Variants in BANK1 observed in about 807,000 individuals in gnomAD.
The protein encoded by BANK1 is B-cell scaffold protein with ankyrin repeats.
In BANK1, 95 loss-of-function variants were observed where a neutral mutation model predicts 94.5. The observed-to-expected ratio is 1.00, with a 90% CI of 0.85 to 1.19. The LOEUF (loss-of-function observed/expected upper bound fraction) is 1.19, where lower values mean the gene tolerates loss of function less well. BANK1 is among the 50% of genes most tolerant of loss of function. The pLI is 0.00. For synonymous variants in BANK1, 334 were observed against 308.4 expected (o/e 1.08, Z -0.87); for missense variants, 987 against 932.2 (o/e 1.06, Z -0.77).
intron 7 of BANK1, among the ~76,000 whole-genome samples, chr4:102,008,889 A>G (rs896203381): frequency 2.6e-5 from 4 of 152,220 alleles, no homozygotes; most frequent in Admixed American, 6.5e-5. Context: ...GTTTCTCAAA[A>G]AACACATAGC....
rs774098481 is a variant in BANK1, at chr4:101,819,259, G to A, written c.71-10549G>A. ...GAGTATTATTTTTTCCCTAGTACACGTGCCTTTAGGTCACTCTGACAAAGG... is the reference window on the plus strand; with the variant it reads ...GAGTATTATTTTTTCCCTAGTACACATGCCTTTAGGTCACTCTGACAAAGG... On this transcript the variant is annotated intron_variant, in intron 1 of 16. Coordinates refer to ENST00000322953, the MANE Select transcript of BANK1 (RefSeq NM_017935.5). Among the ~76,000 whole-genome samples, 7 of 152,114 alleles carry A rather than the reference G, an allele frequency of 4.6e-5. No homozygotes were observed. In the East Asian group the frequency reaches 7.7e-4, roughly 17 times the overall value.
chr4:102,011,039 T>C (rs1001452227), intron 7 of BANK1, among the ~76,000 whole-genome samples: 4 of 152,236 alleles, frequency 2.6e-5, no homozygotes, highest in African/African-American at 7.2e-5. Context: ...AATCCTCTCT[T>C]AGGAATTTTG....
At chr4:101,931,832 A>AG (rs1723357694) in intron 7 of BANK1, among the ~76,000 whole-genome samples, 1 of 151,406 alleles carries the variant, frequency 6.6e-6, no homozygotes, top group Admixed American at 6.6e-5. Context: ...AGAGGGCTGG[A>AG]GGGCTGGAGA....
chr4:101,943,073 A>C (rs1723807650), intron 7 of BANK1, among the ~76,000 whole-genome samples: 1 of 151,968 alleles, frequency 6.6e-6, no homozygotes, highest in Non-Finnish European at 1.5e-5. Context: ...TTCCAGGCAC[A>C]AAGAGTAAGA....
chr4:101,875,440 C>T (rs1244703616), intron 5 of BANK1, among the ~76,000 whole-genome samples: 1 of 151,974 alleles, frequency 6.6e-6, no homozygotes, highest in Non-Finnish European at 1.5e-5. Flanking sequence ...AGGAAACTTA[C>T]AATCATGGTG....
intron 7 of BANK1, among the ~76,000 whole-genome samples, chr4:101,960,738 T>C (rs1724537690): frequency 6.6e-6 from 1 of 152,188 alleles, no homozygotes; most frequent in Admixed American, 6.5e-5. Flanking sequence ...GTAAGCAATT[T>C]TAAAAGCATA....
chr4:102,034,947 T>C (rs970077616), intron 10 of BANK1, among the ~76,000 whole-genome samples: 5 of 152,166 alleles, frequency 3.3e-5, no homozygotes, highest in African/African-American at 1.2e-4. Context: ...ATAAGATCCA[T>C]GAAGGAAGAG....
chr4:101,969,713 G>A, intron 7 of BANK1, among the ~76,000 whole-genome samples: 1 of 152,064 alleles, frequency 6.6e-6, no homozygotes, highest in Non-Finnish European at 1.5e-5. Flanking sequence ...AGAATTATAG[G>A]ATGAATGAAA....
chr4:101,882,879 G>A (rs13137047), intron 5 of BANK1, among the ~76,000 whole-genome samples: 11,436 of 150,900 alleles, frequency 0.076, 636 homozygotes, highest in Admixed American at 0.19. Context: ...TTTCTTCTTA[G>A]CTGTCCGTCC....
intron 6 of BANK1, among the ~76,000 whole-genome samples, chr4:101,903,240 C>A (rs757609422): frequency 2.0e-5 from 3 of 152,148 alleles, no homozygotes; most frequent in African/African-American, 7.2e-5. Flanking sequence ...ACCTGAAACA[C>A]CTTCATTTTA....
intron 15 of BANK1, among the ~76,000 whole-genome samples, chr4:102,073,027 C>A (rs981291463): frequency 1.3e-4 from 20 of 152,196 alleles, no homozygotes; most frequent in African/African-American, 4.8e-4. Context: ...AGCTGGATTT[C>A]TTGCTAAAAT....
At chr4:101,833,657 C>T (rs1477588119) in intron 2 of BANK1, among the ~76,000 whole-genome samples, 3 of 152,136 alleles carry the variant, frequency 2.0e-5, no homozygotes, top group Non-Finnish European at 4.4e-5. Flanking sequence ...TCCTGTACAC[C>T]CTCATGCTGT....
Position 101,797,700 on chromosome 4 carries a change from G to GT in BANK1, c.70+6751dup, listed in dbSNP as rs554467614. ...GTGTCATTTACTCCATTGGAAAGGA[G>GT]TGAAGGAACAAGAGGACACCGGGAG... On this transcript the variant is annotated intron_variant, in intron 1 of 16. Transcript: ENST00000322953. Among the ~76,000 whole-genome samples, 10 of 152,298 alleles carry GT rather than the reference G, an allele frequency of 6.6e-5. No homozygotes were observed. In the South Asian group the frequency reaches 2.1e-3, roughly 32 times the overall value.
chr4:101,918,000 T>A lies in BANK1; in HGVS notation c.1017T>A (p.His339Gln), dbSNP rs773587818. 1 of 1,603,860 alleles carries A rather than the reference T, an allele frequency of 6.2e-7. No individual in the cohort carries two copies. The highest frequency in any genetic ancestry group is 1.1e-5 in the South Asian group (1 of 90,158). ...TEICSQNKYTHFKELPTLLHC... is the reference protein window; with the variant it reads ...TEICSQNKYTQFKELPTLLHC... Reference sequence around the variant, plus strand: ...TACTTCTTATGCTTACAGATACTCATTTCAAAGAACTTCCAACTCTTCTCC... The same window carrying A: ...TACTTCTTATGCTTACAGATACTCAATTCAAAGAACTTCCAACTCTTCTCC... Residue 339 changes from histidine (H) to glutamine (Q), a missense_variant, in exon 7 of 17, where the codon CAT becomes CAA. Physicochemically the swap from His to Gln is conservative, Grantham distance 24. Coordinates refer to ENST00000322953, the MANE Select transcript of BANK1 (RefSeq NM_017935.5).
At chr4:101,998,077 C>T (rs1021803184) in intron 7 of BANK1, among the ~76,000 whole-genome samples, 2 of 152,160 alleles carry the variant, frequency 1.3e-5, no homozygotes, top group African/African-American at 4.8e-5. Flanking sequence ...CCCCTGTAAA[C>T]ACTGCTTTAC....
At chr4:101,948,378 G>A (rs1342369504) in intron 7 of BANK1, among the ~76,000 whole-genome samples, 2 of 152,044 alleles carry the variant, frequency 1.3e-5, no homozygotes, top group African/African-American at 2.4e-5. Flanking sequence ...TTCTCAGGAG[G>A]TTAAATAATC....
At chr4:101,939,001 G>A (rs1421596736) in intron 7 of BANK1, among the ~76,000 whole-genome samples, 2 of 151,644 alleles carry the variant, frequency 1.3e-5, no homozygotes, top group African/African-American at 4.8e-5. Flanking sequence ...CCCTCTACCT[G>A]AGACGCAGCA....
rs189307486 is a variant in BANK1 at position 102,003,333 on chromosome 4, G to A, written c.1207-18181G>A. On this transcript the variant is annotated intron_variant, in intron 7 of 16. Coordinates refer to ENST00000322953, the MANE Select transcript of BANK1 (RefSeq NM_017935.5). ...ATGCAATTTGAGCAGGATTTAGCAGGGGAGGCTCATCTTTGCTCCAGCTGA... is the reference window on the plus strand; with the variant it reads ...ATGCAATTTGAGCAGGATTTAGCAGAGGAGGCTCATCTTTGCTCCAGCTGA... 1.7e-3 allele frequency among the ~76,000 whole-genome samples: 262 copies of A among 152,274 alleles called. 3 individuals carry two copies. Among genetic ancestry groups the A allele is most frequent in the Admixed American group, 4.3e-3 (66 of 15,296 alleles).
intron 2 of BANK1, among the ~76,000 whole-genome samples, chr4:101,849,722 T>C (rs537914343): frequency 5.9e-5 from 9 of 152,168 alleles, no homozygotes; most frequent in Non-Finnish European, 1.3e-4. Context: ...TTAAAGCTTA[T>C]ATAAAAAGGA....
Sources: allele counts gnomAD v4.1 joint callset (sites outside exome capture counted in the v4.1 genomes callset), GRCh38; gene constraint gnomAD v4.1.1; transcripts MANE v1.5; gene names NCBI Gene and HGNC (gene_info 2026-07-23, HGNC 2026-07-21).